NRXN3: variants seen among roughly 807,000 people sequenced by gnomAD.
NRXN3 encodes neurexin III.
NRXN3 carries 32 observed loss-of-function variants against 137.6 expected under a neutral mutation model. That is an observed-to-expected ratio of 0.23 (90% confidence interval 0.18 to 0.31). The LOEUF (loss-of-function observed/expected upper bound fraction) is 0.31, where lower values mean the gene tolerates loss of function less well. Among genes scored for constraint, NRXN3 ranks in the 10% least tolerant of loss-of-function variants. The pLI is 1.00. For missense variants in NRXN3, 1,574 were observed against 2,062.5 expected, an observed-to-expected ratio of 0.76 and a Z score of 4.59; for synonymous variants, 798 against 784.5, an observed-to-expected ratio of 1.02 and a Z score of -0.29.
chr14:79,513,679 C>A (rs1248002704), intron 16 of NRXN3, among the ~76,000 whole-genome samples: 1 of 152,142 alleles, frequency 6.6e-6, no homozygotes, highest in Non-Finnish European at 1.5e-5. Flanking sequence ...ATTACAAGTT[C>A]TTGTTCAGCA....
At chr14:79,761,347 CA>C (rs2099037780) in intron 19 of NRXN3, among the ~76,000 whole-genome samples, 2 of 151,554 alleles carry the variant, frequency 1.3e-5, no homozygotes, top group African/African-American at 4.9e-5. Flanking sequence ...TCAAATATGA[CA>C]CAAATTGTTT....
At chr14:78,608,620 T>C (rs1296418371) in intron 4 of NRXN3, among the ~76,000 whole-genome samples, 1 of 152,174 alleles carries the variant, frequency 6.6e-6, no homozygotes, top group Non-Finnish European at 1.5e-5. Context: ...AGGAAGGGTA[T>C]ATATACAGAT....
chr14:78,580,498 G>A (rs923129258), intron 4 of NRXN3, among the ~76,000 whole-genome samples: 6 of 152,130 alleles, frequency 3.9e-5, no homozygotes, highest in Non-Finnish European at 7.3e-5. Flanking sequence ...GCTCCTTTTC[G>A]TGGAGGAACT....
intron 6 of NRXN3, among the ~76,000 whole-genome samples, chr14:78,658,564 A>G (rs2097803779): frequency 6.6e-6 from 1 of 152,210 alleles, no homozygotes; most frequent in South Asian, 2.1e-4. Flanking sequence ...TTTAATTAAA[A>G]AGGCCTGATA....
intron 4 of NRXN3, among the ~76,000 whole-genome samples, chr14:78,628,943 C>T (rs1186404874): frequency 6.6e-6 from 1 of 152,190 alleles, no homozygotes; most frequent in Non-Finnish European, 1.5e-5. Flanking sequence ...TCTAAATTCC[C>T]TTGTCAATTA....
At chr14:78,502,080 G>A (rs2095888305) in intron 4 of NRXN3, among the ~76,000 whole-genome samples, 1 of 152,042 alleles carries the variant, frequency 6.6e-6, no homozygotes, top group South Asian at 2.1e-4. Context: ...AGTCCCTGCA[G>A]GAGCCTCATG....
intron 15 of NRXN3, among the ~76,000 whole-genome samples, chr14:79,394,163 G>A (rs1222123023): frequency 1.3e-5 from 2 of 152,102 alleles, no homozygotes; most frequent in African/African-American, 4.8e-5. Flanking sequence ...TGTGTTGAAA[G>A]GTATAATCAT....
chr14:79,385,669 G>T (rs916796019), intron 15 of NRXN3, among the ~76,000 whole-genome samples: 1 of 152,116 alleles, frequency 6.6e-6, no homozygotes, highest in Non-Finnish European at 1.5e-5. Flanking sequence ...ACAAGGTTTG[G>T]CTGTTTAAAA....
chr14:78,407,652 C>CT (rs1348648751), intron 4 of NRXN3, among the ~76,000 whole-genome samples: 6 of 152,160 alleles, frequency 3.9e-5, no homozygotes, highest in Admixed American at 3.3e-4. Flanking sequence ...AGGCTCTTCT[C>CT]TTGTGTGTGT....
At chr14:78,463,917 C>G (rs898618840) in intron 4 of NRXN3, among the ~76,000 whole-genome samples, 1 of 151,712 alleles carries the variant, frequency 6.6e-6, no homozygotes, top group African/African-American at 2.4e-5. Context: ...TTCAGTATTG[C>G]CCCTTTGCAA....
At chr14:79,717,723 CTTATCTTGGTT>C (rs2098828423) in intron 19 of NRXN3, among the ~76,000 whole-genome samples, 1 of 152,190 alleles carries the variant, frequency 6.6e-6, no homozygotes, top group Non-Finnish European at 1.5e-5. Context: ...AGTGCCCTTT[CTTATCTTGGTT>C]TTATGTTTTT....
In NRXN3 at chr14:79,598,658, T is replaced by G. The variant is rs17109557; in HGVS notation, c.3445-65120T>G. On this transcript the variant is annotated intron_variant, in intron 16 of 20. Coordinates refer to ENST00000335750, the MANE Select transcript of NRXN3 (RefSeq NM_001330195.2). The stretch of plus-strand genomic sequence containing the variant: ...CTAAGCAGAATCTCTTCTACTTCCC[T>G]CAAAATCTATTTCTTAGCACCAGCA... 0.022 allele frequency among the ~76,000 whole-genome samples: 3,423 copies of G among 152,276 alleles called. 218 individuals carry two copies. In the East Asian group the frequency reaches 0.25, roughly 11 times the overall value.
At chr14:79,595,995 G>A (rs10144233) in intron 16 of NRXN3, among the ~76,000 whole-genome samples, 32,066 of 151,432 alleles carry the variant, frequency 0.21, 4,244 homozygotes, top group African/African-American at 0.37. Context: ...GGTTCATGCC[G>A]TGGGGGAACG....
Position 78,968,289 on chromosome 14 carries a change from C to T in NRXN3, c.3085C>T (p.Pro1029Ser). ...LASVDLNGRL[P>S]DLINDALHRS... Reference sequence around the variant, plus strand: ...ATCAGTGGACTTGAATGGACGCCTGCCAGACCTCATCAATGATGCTCTTCA... The same window carrying T: ...ATCAGTGGACTTGAATGGACGCCTGTCAGACCTCATCAATGATGCTCTTCA... Residue 1029 changes from proline to serine, a missense_variant, in exon 14 of 21, where the codon CCA (proline) becomes TCA (serine). Pro to Ser is a moderately conservative substitution (Grantham distance 74, BLOSUM62 -1). This residue lies in a region of NRXN3 where 718 missense variants were observed against 887.6 expected (regional missense o/e 0.81). Coordinates refer to ENST00000335750, the MANE Select transcript of NRXN3 (RefSeq NM_001330195.2). The T allele has an allele frequency of 6.2e-7, 1 of 1,614,082 alleles. No homozygotes were observed. Among genetic ancestry groups the T allele is most frequent in the Non-Finnish European group, 8.5e-7 (1 of 1,179,972 alleles).
intron 10 of NRXN3, among the ~76,000 whole-genome samples, chr14:78,826,640 A>G (rs900681474): frequency 6.6e-6 from 1 of 152,214 alleles, no homozygotes; most frequent in African/African-American, 2.4e-5. Context: ...AGAAACTACA[A>G]TTACCAGAAA....
chr14:78,790,911 G>A (rs2098803374), intron 8 of NRXN3, among the ~76,000 whole-genome samples: 1 of 152,196 alleles, frequency 6.6e-6, no homozygotes. Flanking sequence ...TACTGTATCA[G>A]TGCCAGTGGG....
intron 10 of NRXN3, among the ~76,000 whole-genome samples, chr14:78,835,448 A>T (rs2098993948): frequency 1.3e-5 from 2 of 152,034 alleles, no homozygotes; most frequent in African/African-American, 4.8e-5. Context: ...GGGACATGAG[A>T]TTTATTATCA....
At chr14:78,318,411 A>T (rs1207110497) in intron 4 of NRXN3, among the ~76,000 whole-genome samples, 1 of 152,164 alleles carries the variant, frequency 6.6e-6, no homozygotes, top group East Asian at 1.9e-4. Flanking sequence ...CCTGACATGG[A>T]TTGCTATTGA....
intron 10 of NRXN3, among the ~76,000 whole-genome samples, chr14:78,893,785 G>C (rs1192587798): frequency 6.6e-6 from 1 of 151,868 alleles, no homozygotes; most frequent in Non-Finnish European, 1.5e-5. Context: ...AAAGTGTCCA[G>C]ATAAAAACAT....
Sources: allele counts gnomAD v4.1 joint callset (sites outside exome capture counted in the v4.1 genomes callset), GRCh38; gene constraint gnomAD v4.1.1; regional missense constraint gnomAD v4.1.1; transcripts MANE v1.5; gene names NCBI Gene and HGNC (gene_info 2026-07-23, HGNC 2026-07-21).